Variants in SPRY3 observed in about 807,000 individuals in gnomAD.
SPRY3 encodes the protein protein sprouty homolog 3.
SPRY3 carries 15 observed loss-of-function variants against 20.2 expected under a neutral mutation model. The ratio of observed to expected loss-of-function variants is 0.74; its 90% confidence interval spans 0.50 to 1.14. SPRY3 has a LOEUF of 1.14. SPRY3 is among the 50% of genes most tolerant of loss of function. The pLI is 0.00. For synonymous variants in SPRY3, 143 were observed against 136.5 expected (o/e 1.05, Z -0.33); for missense variants, 364 against 363.9 (o/e 1.00, Z 0.00).
At chrX:155,620,292 A>G (rs1388931079) in intron 1 of SPRY3, among the ~76,000 whole-genome samples, 6 of 111,444 alleles carry the variant, frequency 5.4e-5, no homozygotes, top group African/African-American at 1.6e-4. Flanking sequence ...ACTTTAGCAG[A>G]TTCTTATAAA....
At chrX:155,695,074 A>G (rs1361994547) in intron 2 of SPRY3, among the ~76,000 whole-genome samples, 2 of 112,032 alleles carry the variant, frequency 1.8e-5, no homozygotes, top group African/African-American at 6.5e-5. Context: ...AAAAGGGCAT[A>G]TGCATTTTAA....
At chrX:155,649,259 A>G (rs1306655890) in intron 1 of SPRY3, among the ~76,000 whole-genome samples, 1 of 111,905 alleles carries the variant, frequency 8.9e-6, no homozygotes, top group African/African-American at 3.2e-5. Context: ...CTCTTCCCTA[A>G]CTCATTTTAT....
chrX:155,619,784 C>A lies in SPRY3; in HGVS notation c.-441+7137C>A, dbSNP rs782789731. On this transcript the variant is annotated intron_variant, in intron 1 of 3. Transcript: ENST00000675360. Reference sequence around the variant, plus strand: ...ACTAAATACAAAATATTTATAATACCTATATCTTACAAAAGTAAGGTATCT... The same window carrying A: ...ACTAAATACAAAATATTTATAATACATATATCTTACAAAAGTAAGGTATCT... 2.1e-3 allele frequency among the ~76,000 whole-genome samples: 233 copies of A among 111,206 alleles called. 1 individual carries two copies. Among genetic ancestry groups the A allele is most frequent in the African/African-American group, 7.3e-3 (225 of 30,742 alleles).
intron 1 of SPRY3, among the ~76,000 whole-genome samples, chrX:155,615,991 T>TA (rs782071019): frequency 9.0e-6 from 1 of 110,619 alleles, no homozygotes; most frequent in Non-Finnish European, 1.9e-5. Context: ...TCAAAACTTT[T>TA]AAAAAGGCAA....
At chrX:155,727,617 C>A (rs1032085960) in intron 2 of SPRY3, among the ~76,000 whole-genome samples, 1 of 152,108 alleles carries the variant, frequency 6.6e-6, no homozygotes, top group Non-Finnish European at 1.5e-5. Flanking sequence ...GCATTCCTCA[C>A]GAAGTTCTCG....
chrX:155,618,494 C>A (rs73579146), intron 1 of SPRY3, among the ~76,000 whole-genome samples: 148 of 111,685 alleles, frequency 1.3e-3, no homozygotes, highest in African/African-American at 4.7e-3. Context: ...CATTCTTGTA[C>A]ACATGTGTTT....
At chrX:155,696,212 AACACAC>A (rs201511557) in intron 2 of SPRY3, among the ~76,000 whole-genome samples, 1 of 103,457 alleles carries the variant, frequency 9.7e-6, no homozygotes, top group Non-Finnish European at 2.0e-5. Context: ...ATACACACAC[AACACAC>A]ACACACACAC....
At chrX:155,751,341 C>A (rs1602988217) in intron 2 of SPRY3, among the ~76,000 whole-genome samples, 1 of 152,038 alleles carries the variant, frequency 6.6e-6, no homozygotes, top group Admixed American at 6.6e-5. Context: ...GGCTTTACTG[C>A]AGCAGCTACT....
chrX:155,753,898 A>G (rs1282330910), intron 2 of SPRY3, among the ~76,000 whole-genome samples: 1 of 151,902 alleles, frequency 6.6e-6, no homozygotes, highest in African/African-American at 2.4e-5. Flanking sequence ...GTCTTTGAAG[A>G]GATGTCTATT....
chrX:155,723,961 G>T (rs2091080364), intron 2 of SPRY3, among the ~76,000 whole-genome samples: 1 of 152,004 alleles, frequency 6.6e-6, no homozygotes, highest in Non-Finnish European at 1.5e-5. Flanking sequence ...TAATTTTTGT[G>T]TAAGGTGTAA....
At chrX:155,770,885 G>A (rs1191013245) in intron 3 of SPRY3, among the ~76,000 whole-genome samples, 1 of 152,226 alleles carries the variant, frequency 6.6e-6, no homozygotes, top group African/African-American at 2.4e-5. Context: ...AGCCAGATCA[G>A]ATTCAGCATG....
Position 155,690,572 on chromosome X carries a change from A to G in SPRY3, c.-282+33547A>G, listed in dbSNP as rs769724640. Among the ~76,000 whole-genome samples, 13 of 88,086 alleles carry G rather than the reference A, an allele frequency of 1.5e-4. 2 individuals carry two copies. Among genetic ancestry groups the G allele is most frequent in the African/African-American group, 6.0e-4 (11 of 18,409 alleles). 76.5% of individuals were successfully genotyped at this position (88,086 alleles called of 115,157 possible). A position where few individuals can be genotyped will look rare whatever the true frequency, so the allele number is the denominator to read the frequency against. ...ATTTCAGACAAAACAGATTTAAACC[A>G]ACAAAGTTTTGAAAAGACAAAGAAG... On this transcript the variant is annotated intron_variant, in intron 2 of 3. Transcript: ENST00000675360.
At chrX:155,718,496 C>A (rs1254044836) in intron 2 of SPRY3, among the ~76,000 whole-genome samples, 1 of 151,948 alleles carries the variant, frequency 6.6e-6, no homozygotes, top group Non-Finnish European at 1.5e-5. Context: ...TAGAAACATA[C>A]CTGTATGCCT....
intron 1 of SPRY3, among the ~76,000 whole-genome samples, chrX:155,628,727 A>G (rs1182023074): frequency 1.8e-5 from 2 of 112,070 alleles, no homozygotes; most frequent in African/African-American, 6.5e-5. Flanking sequence ...ATTATTTTCC[A>G]TAGTTAGTAT....
chrX:155,646,333 T>C (rs781808776), intron 1 of SPRY3, among the ~76,000 whole-genome samples: 79 of 112,306 alleles, frequency 7.0e-4, no homozygotes, highest in Admixed American at 5.9e-3. Flanking sequence ...AAAAATGTTA[T>C]TGTGATTTTT....
At chrX:155,722,365 A>G (rs1025024851) in intron 2 of SPRY3, among the ~76,000 whole-genome samples, 2 of 152,094 alleles carry the variant, frequency 1.3e-5, no homozygotes, top group African/African-American at 4.8e-5. Context: ...TACTAAAAAT[A>G]GAAAACTTAA....
intron 2 of SPRY3, among the ~76,000 whole-genome samples, chrX:155,741,256 C>T (rs2091203122): frequency 6.6e-6 from 1 of 151,938 alleles, no homozygotes; most frequent in South Asian, 2.1e-4. Flanking sequence ...ACTCTCAGAG[C>T]TTGAAGGCTA....
intron 2 of SPRY3, among the ~76,000 whole-genome samples, chrX:155,667,499 G>A (rs1329956623): frequency 1.8e-5 from 2 of 111,009 alleles, no homozygotes; most frequent in Non-Finnish European, 3.8e-5. Context: ...AGATAGAATA[G>A]GCACAGAGGC....
intron 2 of SPRY3, among the ~76,000 whole-genome samples, chrX:155,737,435 C>A (rs1271534530): frequency 6.6e-6 from 1 of 151,930 alleles, no homozygotes; most frequent in Non-Finnish European, 1.5e-5. Flanking sequence ...AGTAAACAGA[C>A]AACTATAATA....
Sources: gnomAD v4.1 joint callset for allele counts (sites outside exome capture counted in the v4.1 genomes callset) on GRCh38, gnomAD v4.1.1 for gene constraint, MANE v1.5 for transcripts, NCBI Gene and HGNC (gene_info 2026-07-23, HGNC 2026-07-21) for gene names.